Variants in KLHL13 observed in about 807,000 individuals in gnomAD.
KLHL13 encodes kelch like family member 13.
KLHL13 carries 10 observed loss-of-function variants against 37.1 expected under a neutral mutation model. The observed-to-expected ratio is 0.27, with a 90% CI of 0.17 to 0.46. The LOEUF (loss-of-function observed/expected upper bound fraction) is 0.46, where lower values mean the gene tolerates loss of function less well. KLHL13 is among the 20% of genes least tolerant of loss of function. KLHL13 has a pLI of 1.00. For missense variants in KLHL13, 360 were observed against 509.3 expected, an observed-to-expected ratio of 0.71 and a Z score of 2.82; for synonymous variants, 163 against 181.2, an observed-to-expected ratio of 0.90 and a Z score of 0.81.
chrX:117,907,474 ACCTGT>A (rs1930626825), intron 5 of KLHL13, among the ~76,000 whole-genome samples: 2 of 112,106 alleles, frequency 1.8e-5, no homozygotes, highest in Non-Finnish European at 3.8e-5. Context: ...CAAGTTAATG[ACCTGT>A]TATTTGTGAA....
At chrX:118,060,978 T>C (rs768582403) in intron 1 of KLHL13, among the ~76,000 whole-genome samples, 7 of 110,667 alleles carry the variant, frequency 6.3e-5, no homozygotes, top group East Asian at 2.9e-4. Flanking sequence ...ACCAGTTACA[T>C]TGAATTAGAG....
chrX:118,024,803 G>GTTTGGT (rs2054257483), intron 1 of KLHL13, among the ~76,000 whole-genome samples: 1 of 111,671 alleles, frequency 9.0e-6, no homozygotes, highest in African/African-American at 3.3e-5. Flanking sequence ...TTCAAAAAAC[G>GTTTGGT]TTTGGTAGTT....
At chrX:118,052,383 C>T (rs760380216) in intron 1 of KLHL13, among the ~76,000 whole-genome samples, 17 of 103,865 alleles carry the variant, frequency 1.6e-4, no homozygotes, top group Admixed American at 1.1e-3. Context: ...ATTAGCCAGG[C>T]GTGGTGGCAG....
At chrX:118,089,209 T>C (rs1452354019) in intron 1 of KLHL13, among the ~76,000 whole-genome samples, 4 of 111,108 alleles carry the variant, frequency 3.6e-5, no homozygotes, top group African/African-American at 9.8e-5. Context: ...CTTTCTGCGC[T>C]GGGATGGGGT....
intron 1 of KLHL13, among the ~76,000 whole-genome samples, chrX:117,967,073 A>G (rs1437047740): frequency 9.0e-6 from 1 of 111,680 alleles, no homozygotes; most frequent in African/African-American, 3.3e-5. Flanking sequence ...ATCTAATTAA[A>G]CTCAAGAGCT....
At chrX:118,022,311 T>C (rs2054226055) in intron 1 of KLHL13, among the ~76,000 whole-genome samples, 1 of 112,043 alleles carries the variant, frequency 8.9e-6, no homozygotes. Flanking sequence ...AAAGCACAGA[T>C]ATCTCGAGGA....
At chrX:117,961,010 A>C (rs989483226) in intron 1 of KLHL13, among the ~76,000 whole-genome samples, 7 of 112,336 alleles carry the variant, frequency 6.2e-5, no homozygotes, top group African/African-American at 2.3e-4. Flanking sequence ...TTTTCAAAAA[A>C]AATAGTTTTT....
chrX:117,938,629 T>C (rs898852497), intron 2 of KLHL13, among the ~76,000 whole-genome samples: 3 of 111,869 alleles, frequency 2.7e-5, no homozygotes, highest in Non-Finnish European at 3.8e-5. Context: ...TTCTAGTAAA[T>C]TTTAAAAATT....
chrX:117,985,604 G>T (rs1236320316), intron 1 of KLHL13, among the ~76,000 whole-genome samples: 1 of 110,604 alleles, frequency 9.0e-6, no homozygotes, highest in African/African-American at 3.3e-5. Context: ...AAACTGAACA[G>T]GAACAAAGTG....
At chrX:117,994,951 G>T (rs1220291476) in intron 1 of KLHL13, among the ~76,000 whole-genome samples, 5 of 111,824 alleles carry the variant, frequency 4.5e-5, no homozygotes, top group Non-Finnish European at 7.5e-5. Context: ...GGGACGCTGA[G>T]GTGGGAGGAT....
intron 1 of KLHL13, among the ~76,000 whole-genome samples, chrX:118,018,466 T>C (rs537201418): frequency 3.6e-5 from 4 of 111,926 alleles, no homozygotes; most frequent in African/African-American, 1.3e-4. Context: ...TAATGAGCAA[T>C]TACTACATAG....
At chrX:118,106,633 C>T (rs904789932) in intron 1 of KLHL13, among the ~76,000 whole-genome samples, 1 of 111,384 alleles carries the variant, frequency 9.0e-6, no homozygotes, top group Non-Finnish European at 1.9e-5. Context: ...CAGTATATGA[C>T]CAATATGTTA....
At chrX:117,904,456 A>T (rs1250990389) in intron 5 of KLHL13, among the ~76,000 whole-genome samples, 1 of 111,248 alleles carries the variant, frequency 9.0e-6, no homozygotes, top group Non-Finnish European at 1.9e-5. Context: ...CAGTGCTTCA[A>T]TCGTAGTCTA....
intron 1 of KLHL13, among the ~76,000 whole-genome samples, chrX:118,073,157 C>A (rs1167575364): frequency 9.1e-6 from 1 of 110,154 alleles, no homozygotes; most frequent in Non-Finnish European, 1.9e-5. Flanking sequence ...TCCCTTCTCC[C>A]CTATATTAGT....
chrX:117,940,218 T>C (rs1488425242), intron 2 of KLHL13, among the ~76,000 whole-genome samples: 1 of 112,125 alleles, frequency 8.9e-6, no homozygotes, highest in Non-Finnish European at 1.9e-5. Context: ...CCATTGCTTG[T>C]TTTTGTCAGG....
intron 1 of KLHL13, among the ~76,000 whole-genome samples, chrX:117,971,981 T>C (rs1394378178): frequency 8.9e-6 from 1 of 112,046 alleles, no homozygotes; most frequent in Non-Finnish European, 1.9e-5. Flanking sequence ...TTTTATTATA[T>C]CTCCTGGATT....
intron 1 of KLHL13, among the ~76,000 whole-genome samples, chrX:118,012,174 C>A (rs1050148756): frequency 2.7e-5 from 3 of 111,417 alleles, no homozygotes; most frequent in Non-Finnish European, 5.6e-5. Flanking sequence ...GTGCTTATAT[C>A]AAGTCAGAAA....
At chrX:117,929,901 G>A (rs1932311535) in intron 2 of KLHL13, among the ~76,000 whole-genome samples, 1 of 109,358 alleles carries the variant, frequency 9.1e-6, no homozygotes, top group African/African-American at 3.3e-5. Flanking sequence ...GGAGGAGGTT[G>A]CAGTGAGCCA....
intron 1 of KLHL13, among the ~76,000 whole-genome samples, chrX:118,012,535 T>A (rs1210819943): frequency 9.1e-6 from 1 of 109,925 alleles, no homozygotes; most frequent in East Asian, 2.9e-4. Context: ...AGGATCCTTG[T>A]GATTGCAATG....
Sources: gnomAD v4.1 joint callset for allele counts (sites outside exome capture counted in the v4.1 genomes callset) on GRCh38, gnomAD v4.1.1 for gene constraint, MANE v1.5 for transcripts, NCBI Gene and HGNC (gene_info 2026-07-23, HGNC 2026-07-21) for gene names.